PICALM: variants seen among roughly 807,000 people sequenced by gnomAD.
The protein encoded by PICALM is phosphatidylinositol binding clathrin assembly protein.
Under a neutral mutation model 80.5 loss-of-function variants are expected in PICALM, and 40 were observed. That is an observed-to-expected ratio of 0.50 (90% CI 0.39 to 0.65). The LOEUF (loss-of-function observed/expected upper bound fraction) is 0.65, where lower values mean the gene tolerates loss of function less well. PICALM is among the 30% of genes least tolerant of loss of function. The pLI, the probability that PICALM is intolerant of heterozygous loss-of-function variation, is 0.00. For synonymous variants in PICALM, 288 were observed against 260.3 expected (o/e 1.11, Z -1.02); for missense variants, 676 against 778.9 (o/e 0.87, Z 1.57).
chr11:86,047,446 A>T (rs1017131430), intron 1 of PICALM, among the ~76,000 whole-genome samples: 1 of 152,250 alleles, frequency 6.6e-6, no homozygotes, highest in Non-Finnish European at 1.5e-5. Context: ...CCCATTTCCA[A>T]ATGACTCAAA....
At chr11:85,998,467 T>A (rs1592724916) in intron 11 of PICALM, among the ~76,000 whole-genome samples, 2 of 151,814 alleles carry the variant, frequency 1.3e-5, no homozygotes, top group East Asian at 3.9e-4. Context: ...TGTCTAAGAA[T>A]TCAAACACAG....
intron 11 of PICALM, among the ~76,000 whole-genome samples, chr11:85,998,246 G>A (rs1424729887): frequency 6.6e-6 from 1 of 151,880 alleles, no homozygotes; most frequent in African/African-American, 2.4e-5. Context: ...CAAGTAGCTG[G>A]GACTACAGGC....
intron 2 of PICALM, among the ~76,000 whole-genome samples, 195 bp downstream of exon 2, chr11:86,031,274 C>T (rs1312981540): frequency 6.6e-6 from 1 of 152,184 alleles, no homozygotes; most frequent in Non-Finnish European, 1.5e-5. Context: ...TTATTGATGT[C>T]CTCTGTGCTC....
intron 11 of PICALM, 36 bp downstream of exon 11, chr11:86,000,607 T>A (rs745607229): frequency 1.3e-6 from 2 of 1,566,748 alleles, no homozygotes; most frequent in African/African-American, 2.7e-5. Context: ...TCTTTGAACC[T>A]ACATATTCAA....
At chr11:85,990,512 A>C in intron 12 of PICALM, 113 bp from the exon 13 acceptor site, 1 of 482,448 alleles carries the variant, frequency 2.1e-6, no homozygotes, top group Non-Finnish European at 3.4e-6. Flanking sequence ...TTGTTTATTA[A>C]TCTTAAATAT....
At chr11:85,985,183 T>C (rs1314577865) in intron 13 of PICALM, among the ~76,000 whole-genome samples, 4 of 152,176 alleles carry the variant, frequency 2.6e-5, no homozygotes, top group African/African-American at 9.7e-5. Flanking sequence ...TCACTTTGAA[T>C]TCTTAATGTG....
chr11:85,975,597 T>C (rs1039667251), intron 18 of PICALM, among the ~76,000 whole-genome samples: 2 of 140,052 alleles, frequency 1.4e-5, no homozygotes, highest in African/African-American at 5.4e-5. Flanking sequence ...GCAGACTTTT[T>C]TTTTTTTTTT....
intron 10 of PICALM, 68 bp downstream of exon 10, chr11:86,000,967 C>A (rs2095126546): frequency 6.3e-7 from 1 of 1,576,758 alleles, no homozygotes; most frequent in Admixed American, 1.7e-5. Context: ...TAAGTCTGTG[C>A]AGAGGCCCCA....
chr11:86,009,292 C>CA (rs10557244), intron 7 of PICALM, among the ~76,000 whole-genome samples: 469 of 41,638 alleles, frequency 0.011, 69 homozygotes, highest in African/African-American at 0.025. Context: ...GTCTCTGTCT[C>CA]AAAAAAAAAA....
chr11:85,986,942 T>A (rs1186383158), intron 13 of PICALM, among the ~76,000 whole-genome samples: 2 of 152,180 alleles, frequency 1.3e-5, no homozygotes, highest in African/African-American at 4.8e-5. Context: ...AGTTTATCAT[T>A]TAGAAACCAC....
At chr11:86,011,645 C>A (rs913077795) in intron 6 of PICALM, among the ~76,000 whole-genome samples, 1 of 151,948 alleles carries the variant, frequency 6.6e-6, no homozygotes, top group Non-Finnish European at 1.5e-5. Context: ...AAAAATAAGC[C>A]AAATTTCCCT....
intron 17 of PICALM, among the ~76,000 whole-genome samples, chr11:85,980,269 A>C (rs889326517): frequency 6.6e-6 from 1 of 152,216 alleles, no homozygotes; most frequent in Non-Finnish European, 1.5e-5. Context: ...AGTCCATCAT[A>C]CTGCAAGAAA....
chr11:85,984,079 C>T, intron 13 of PICALM, 106 bp from the exon 14 acceptor site: 3 of 608,774 alleles, frequency 4.9e-6, no homozygotes, highest in Non-Finnish European at 8.8e-6. Context: ...ATTCCCCACA[C>T]AAAAACAAAG....
At chr11:85,995,210 T>C (rs191368199) in intron 12 of PICALM, among the ~76,000 whole-genome samples, 22 of 152,332 alleles carry the variant, frequency 1.4e-4, no homozygotes, top group African/African-American at 5.1e-4. Context: ...TATCCTTATA[T>C]GAAAGTTAAG....
intron 3 of PICALM, chr11:86,023,579 T>TAG: frequency 1.0e-6 from 1 of 984,548 alleles, no homozygotes; most frequent in Non-Finnish European, 1.2e-6. Context: ...ACCTTACCAC[T>TAG]AGAATTGCTT....
chr11:86,046,098 G>T (rs531431104), intron 1 of PICALM, among the ~76,000 whole-genome samples: 2 of 152,158 alleles, frequency 1.3e-5, no homozygotes, highest in Admixed American at 6.5e-5. Context: ...AAATCTTCTG[G>T]CTCACATTTA....
intron 2 of PICALM, among the ~76,000 whole-genome samples, chr11:86,030,139 C>T (rs1012709267): frequency 2.0e-5 from 3 of 152,070 alleles, no homozygotes; most frequent in Non-Finnish European, 4.4e-5. Flanking sequence ...CATGGCAATG[C>T]TGATAGTGTA....
At position 86,022,473 on chromosome 11, in the gene PICALM, TA is replaced by T; in HGVS notation, c.350-5del. 1 of 1,419,668 alleles carries T rather than the reference TA, an allele frequency of 7.0e-7. No homozygotes were observed. Among genetic ancestry groups the T allele is most frequent in the Non-Finnish European group, 9.4e-7 (1 of 1,060,058 alleles). The allele number at this position is 1,419,668 out of a possible 1,614,324, so 87.9% of individuals were successfully genotyped here. The stretch of plus-strand genomic sequence containing the variant: ...ATAAATGTAGACATGTCATATCCTG[TA>T]AAAAAACAAAAACAAAAACAAAACA... On this transcript the variant is annotated splice_region_variant and splice_polypyrimidine_tract_variant and intron_variant, in intron 3 of 19. Coordinates refer to ENST00000393346, the MANE Select transcript of PICALM (RefSeq NM_007166.4).
In PICALM at chr11:85,974,799, C is replaced by T. The variant is rs1324767949; in HGVS notation, c.1853G>A (p.Gly618Glu). 1.9e-6 allele frequency: 3 copies of T among 1,612,150 alleles called. No individual in the cohort carries two copies. Among genetic ancestry groups the T allele is most frequent in the Non-Finnish European group, 2.5e-6 (3 of 1,178,378 alleles). Residue 618 changes from glycine to glutamate, a missense_variant, in exon 19 of 20, where the codon GGA (glycine) becomes GAA (glutamate). This residue lies in a region of PICALM where 391 missense variants were observed against 383.6 expected (regional missense o/e 1.02). Transcript: ENST00000393346. ...TGGTTGCGTCATTACAGGAACACTTCCCATTTGTGGAGGCTAAAAAAGAGA... is the reference window on the plus strand; with the variant it reads ...TGGTTGCGTCATTACAGGAACACTTTCCATTTGTGGAGGCTAAAAAAGAGA... ...MIGYGIPPQM[G>E]SVPVMTQPTL... is the part of the protein sequence containing the mutation.
Sources: allele counts gnomAD v4.1 joint callset (sites outside exome capture counted in the v4.1 genomes callset), GRCh38; gene constraint gnomAD v4.1.1; regional missense constraint gnomAD v4.1.1; transcripts MANE v1.5; gene names NCBI Gene and HGNC (gene_info 2026-07-23, HGNC 2026-07-21).